The following NDUFAF6 variants were observed in gnomAD, a reference collection of about 807,000 sequenced individuals.
NDUFAF6 encodes NADH dehydrogenase (ubiquinone) complex I, assembly factor 6.
A neutral mutation model predicts 40.8 loss-of-function variants in NDUFAF6; 45 were observed. That is an observed-to-expected ratio of 1.10 (90% CI 0.87 to 1.42). NDUFAF6 has a LOEUF of 1.42. Among genes scored for constraint, NDUFAF6 ranks in the 40% most tolerant of loss-of-function variants. The probability of loss-of-function intolerance (pLI) is 0.00; values close to 1 mark genes in which losing one functional copy is unlikely to be tolerated. For missense variants in NDUFAF6, 435 were observed against 418.5 expected (o/e 1.04, Z -0.34); for synonymous variants, 185 against 155.9 (o/e 1.19, Z -1.39).
chr8:94,915,120 AT>A (rs562630491), intron 1 of NDUFAF6, among the ~76,000 whole-genome samples: 3,475 of 146,668 alleles, frequency 0.024, 49 homozygotes, highest in African/African-American at 0.039. Context: ...CGCATCTTAA[AT>A]TTTTTTTTTT....
chr8:95,055,639 A>G (rs112715375), intron 8 of NDUFAF6, among the ~76,000 whole-genome samples: 2,186 of 152,312 alleles, frequency 0.014, 59 homozygotes, highest in African/African-American at 0.047. Flanking sequence ...AGAACATGAA[A>G]TAGCATGAGC....
chr8:94,916,343 G>A (rs1367881554), intron 1 of NDUFAF6, among the ~76,000 whole-genome samples: 1 of 152,180 alleles, frequency 6.6e-6, no homozygotes, highest in African/African-American at 2.4e-5. Context: ...TCCTGCAATA[G>A]GACTATTGTC....
At chr8:95,078,662 A>AAAAATAT (rs545018367), downstream of NDUFAF6, 47 of 121,038 alleles carry the variant, frequency 3.9e-4, no homozygotes, top group African/African-American at 1.4e-3. Flanking sequence ...AAAAAAAAAA[A>AAAAATAT]ATATATATAT....
At position 94,959,387 on chromosome 8, in the gene NDUFAF6, T is replaced by C. The variant is rs564825512; in HGVS notation, c.-199+1208T>C. Among the ~76,000 whole-genome samples, 60 of 152,310 alleles carry C rather than the reference T, an allele frequency of 3.9e-4. 1 individual carries two copies. Among genetic ancestry groups the C allele is most frequent in the African/African-American group, 1.4e-3 (57 of 41,562 alleles). ...GAGGAGGAAGGAGGTCAATGGGTTC[T>C]TGGAAGGGGAAGAGGACAAACAGAT... is the stretch of plus-strand genomic sequence containing the variant. On this transcript the variant is annotated intron_variant, in intron 1 of 9. Coordinates refer to the NDUFAF6 transcript ENST00000396111.
intron 1 of NDUFAF6, chr8:94,926,500 A>G (rs1266984522): frequency 6.6e-6 from 1 of 152,056 alleles, no homozygotes; most frequent in African/African-American, 2.4e-5. Context: ...ATACACTCCA[A>G]GCCTGAAACA....
upstream of NDUFAF6, among the ~76,000 whole-genome samples, chr8:94,956,918 C>T (rs1185352644): frequency 1.3e-5 from 2 of 152,142 alleles, no homozygotes; most frequent in African/African-American, 4.8e-5. Context: ...TGCCTGTAAT[C>T]ACAGCACTTT....
At chr8:94,934,607 C>A (rs1200686393) in intron 1 of NDUFAF6, among the ~76,000 whole-genome samples, 1 of 152,040 alleles carries the variant, frequency 6.6e-6, no homozygotes, top group Admixed American at 6.6e-5. Context: ...GTCTTGAACT[C>A]CTGACCTCGT....
intron 1 of NDUFAF6, among the ~76,000 whole-genome samples, chr8:95,028,660 A>G (rs1193303516): frequency 1.3e-5 from 2 of 152,130 alleles, no homozygotes; most frequent in African/African-American, 4.8e-5. Flanking sequence ...TTTTTTTAGA[A>G]GATAACCTTG....
chr8:94,901,773 C>T (rs1350320047), intron 1 of NDUFAF6, among the ~76,000 whole-genome samples: 1 of 152,044 alleles, frequency 6.6e-6, no homozygotes, highest in African/African-American at 2.4e-5. Context: ...TTTGTAGAGT[C>T]AGGGTTTCGC....
intron 1 of NDUFAF6, chr8:94,930,830 T>C: frequency 2.3e-6 from 3 of 1,296,578 alleles, no homozygotes; most frequent in Non-Finnish European, 3.1e-6. Flanking sequence ...AATTTGTTTA[T>C]GGCTGAATGA....
rs1818238227 is a variant in NDUFAF6 at position 94,904,320 on chromosome 8, C to CTCTTT, written c.-936+8394_-936+8395insCTTTT. 2.3e-4 allele frequency among the ~76,000 whole-genome samples: 8 copies of CTCTTT among 34,134 alleles called. 1 individual carries two copies. Among genetic ancestry groups the CTCTTT allele is most frequent in the African/African-American group, 1.1e-3 (7 of 6,568 alleles). 22.4% of individuals were successfully genotyped at this position (34,134 alleles called of 152,430 possible). A position where few individuals can be genotyped will look rare whatever the true frequency, so the allele number is the denominator to read the frequency against. On this transcript the variant is annotated intron_variant, in intron 1 of 14. Transcript: ENST00000396113. ...CATCACACCTGGCTAATTTTTTTTG[C>CTCTTT]TTTTTTTTTTTTTTTTTTTTTTTTT...
At chr8:94,909,844 AAG>A (rs1344215663) in intron 1 of NDUFAF6, among the ~76,000 whole-genome samples, 3 of 151,366 alleles carry the variant, frequency 2.0e-5, no homozygotes, top group African/African-American at 4.9e-5. Context: ...ATATATATAA[AAG>A]AATTACAAAA....
chr8:94,950,062 G>C (rs531046434), intron 2 of NDUFAF6: 1 of 152,374 alleles, frequency 6.6e-6, no homozygotes, highest in East Asian at 1.9e-4. Flanking sequence ...GGGACTGCGA[G>C]ACCAGGCCTG....
intron 1 of NDUFAF6, chr8:95,101,009 A>G (rs930871066): frequency 1.3e-5 from 2 of 152,140 alleles, no homozygotes; most frequent in African/African-American, 4.8e-5. Flanking sequence ...TAATTTACCT[A>G]TTTGTTTAAG....
chr8:94,900,795 A>C (rs1817967134), intron 1 of NDUFAF6, among the ~76,000 whole-genome samples: 1 of 152,218 alleles, frequency 6.6e-6, no homozygotes, highest in African/African-American at 2.4e-5. Context: ...GCATGATGCA[A>C]AATATAAGAT....
intron 1 of NDUFAF6, among the ~76,000 whole-genome samples, chr8:94,921,645 C>G (rs564889930): frequency 7.2e-4 from 110 of 152,340 alleles, no homozygotes; most frequent in Admixed American, 1.3e-3. Context: ...CTTCTCTACT[C>G]TCTTCAAGAT....
intron 2 of NDUFAF6, among the ~76,000 whole-genome samples, chr8:95,093,705 A>G (rs4236831): frequency 0.7 from 106,733 of 152,180 alleles, 38,238 homozygotes; most frequent in East Asian, 0.9. Flanking sequence ...ACCCTGGCCC[A>G]AATAAACTAT....
At chr8:95,088,316 G>C (rs1261676354) in intron 2 of NDUFAF6, among the ~76,000 whole-genome samples, 1 of 152,204 alleles carries the variant, frequency 6.6e-6, no homozygotes, top group Non-Finnish European at 1.5e-5. Context: ...ATGTGAGGCT[G>C]CCCTTGTCCA....
intron 1 of NDUFAF6, among the ~76,000 whole-genome samples, chr8:94,938,029 A>G (rs1043708570): frequency 2.0e-5 from 3 of 152,140 alleles, no homozygotes; most frequent in African/African-American, 7.3e-5. Context: ...AAGATAAAAG[A>G]ATGAATAAAT....
Sources: allele counts gnomAD v4.1 joint callset (sites outside exome capture counted in the v4.1 genomes callset), GRCh38; gene constraint gnomAD v4.1.1; transcripts MANE v1.5; gene names NCBI Gene and HGNC (gene_info 2026-07-23, HGNC 2026-07-21).